The following TNFSF8 variants were observed in gnomAD, a reference collection of about 807,000 sequenced individuals.
The protein encoded by TNFSF8 is TNF superfamily member 8, also known as tumor necrosis factor ligand superfamily member 8.
A neutral mutation model predicts 22.0 loss-of-function variants in TNFSF8; 4 were observed. The ratio of observed to expected loss-of-function variants is 0.18; its 90% confidence interval spans 0.09 to 0.42. The LOEUF is 0.42. Among genes scored for constraint, TNFSF8 ranks in the 10% least tolerant of loss-of-function variants. The probability of loss-of-function intolerance (pLI) is 1.00; values close to 1 mark genes in which losing one functional copy is unlikely to be tolerated. For missense variants in TNFSF8, 233 were observed against 281.8 expected, an observed-to-expected ratio of 0.83 and a Z score of 1.24; for synonymous variants, 106 against 112.5, an observed-to-expected ratio of 0.94 and a Z score of 0.37.
chr9:114,899,316 A>G (rs1827690024), downstream of TNFSF8, among the ~76,000 whole-genome samples: 1 of 151,488 alleles, frequency 6.6e-6, no homozygotes, highest in Admixed American at 6.6e-5. Context: ...GCATCATAAA[A>G]TCAATTCAGG....
At position 114,903,983 on chromosome 9, in the gene TNFSF8, G is replaced by A. The variant is rs1425610157; in HGVS notation, c.653C>T (p.Thr218Ile). ...GGACAACACATTCTCAAGAGGAAAG[G>A]TGCTTGTATCTATGTACTGGAATGT... is the stretch of plus-strand genomic sequence containing the variant. ...VDTFQYIDTS[T>I]FPLENVLSIF... is the part of the protein sequence containing the mutation. The change falls in exon 4 of 4, where the codon ACC becomes ATC. Residue 218 changes from threonine (T) to isoleucine (I), a missense_variant. By Grantham distance (89) the Thr-to-Ile change is moderately conservative. Coordinates refer to ENST00000223795, the MANE Select transcript of TNFSF8 (RefSeq NM_001244.4). The A allele has an allele frequency of 1.4e-5, 23 of 1,613,918 alleles. No homozygotes were observed. The highest frequency in any genetic ancestry group is 1.9e-5 in the Non-Finnish European group (23 of 1,179,954).
intron 4 of TNFSF8, chr9:114,894,234 T>C: frequency 7.5e-7 from 1 of 1,339,920 alleles, no homozygotes; most frequent in Admixed American, 2.0e-5. Context: ...ACGTTGTTGT[T>C]ACTCAGAAGC....
At chr9:114,923,716 C>T (rs1169174955) in intron 1 of TNFSF8, among the ~76,000 whole-genome samples, 1 of 152,020 alleles carries the variant, frequency 6.6e-6, no homozygotes, top group East Asian at 1.9e-4. Context: ...CAGGATTTCG[C>T]CATGTTGGCC....
At position 114,904,122 on chromosome 9, in the gene TNFSF8, C is replaced by G; in HGVS notation, c.514G>C (p.Ala172Pro). The change falls in exon 4 of 4, where the codon GCC becomes CCC. Residue 172 changes from alanine to proline, a missense_variant. Coordinates refer to ENST00000223795, the MANE Select transcript of TNFSF8 (RefSeq NM_001244.4). The stretch of plus-strand genomic sequence containing the variant: ...CCAGACTCACACACTGTCACCAGGG[C>G]CTGTTTTTTGATATGCTTGTTGATG... The part of the protein sequence containing the change: ...LLINKHIKKQ[A>P]LVTVCESGMQ... 1 of 1,614,056 alleles carries G rather than the reference C, an allele frequency of 6.2e-7. No homozygotes were observed. Among genetic ancestry groups the G allele is most frequent in the Non-Finnish European group, 8.5e-7 (1 of 1,179,976 alleles).
intron 2 of TNFSF8, among the ~76,000 whole-genome samples, chr9:114,910,254 G>A (rs762334238): frequency 1.3e-5 from 2 of 152,202 alleles, no homozygotes; most frequent in Non-Finnish European, 2.9e-5. Context: ...GAGGTTGCTC[G>A]AGGTGGTGAA....
intron 1 of TNFSF8, among the ~76,000 whole-genome samples, chr9:114,923,263 C>T (rs1828011492): frequency 6.6e-6 from 1 of 152,094 alleles, no homozygotes; most frequent in Non-Finnish European, 1.5e-5. Flanking sequence ...GCTCCTCCTC[C>T]TCCTGCCACC....
chr9:114,899,342 A>ATTTTTTTTTT (rs137946179), downstream of TNFSF8, among the ~76,000 whole-genome samples: 363 of 142,618 alleles, frequency 2.5e-3, 6 homozygotes, highest in African/African-American at 9.3e-3. Context: ...ACAGTAAGTT[A>ATTTTTTTTTT]TTATTTTTTT....
intron 1 of TNFSF8, among the ~76,000 whole-genome samples, chr9:114,924,416 A>G (rs1828032244): frequency 6.6e-6 from 1 of 152,238 alleles, no homozygotes; most frequent in Admixed American, 6.5e-5. Context: ...TATTATTATT[A>G]GATGATATTA....
intron 2 of TNFSF8, among the ~76,000 whole-genome samples, chr9:114,906,843 A>G (rs551187762): frequency 1.3e-5 from 2 of 152,346 alleles, no homozygotes; most frequent in East Asian, 1.9e-4. Context: ...CTTGAATTCA[A>G]CTTATTCAGA....
chr9:114,921,212 G>T (rs1228839206), intron 1 of TNFSF8, among the ~76,000 whole-genome samples: 1 of 152,160 alleles, frequency 6.6e-6, no homozygotes, highest in African/African-American at 2.4e-5. Flanking sequence ...TTCACCCAGG[G>T]CCCAGGAAGT....
downstream of TNFSF8, among the ~76,000 whole-genome samples, chr9:114,900,846 G>C (rs990835416): frequency 6.6e-6 from 1 of 152,178 alleles, no homozygotes; most frequent in Admixed American, 6.5e-5. Flanking sequence ...GCTGGGTGTG[G>C]TGGTGCGTGC....
chr9:114,930,555 A>T lies in TNFSF8; in HGVS notation c.-252T>A. On this transcript the variant is annotated 5_prime_UTR_variant, in exon 1 of 4. Coordinates refer to ENST00000223795, the MANE Select transcript of TNFSF8 (RefSeq NM_001244.4). ...GTGTGCAGAGAAACTAGCTACAGAG[A>T]AGGTGGCTGATGTCAGAGGGCGCGT... 1 of 356,538 alleles carries T rather than the reference A, an allele frequency of 2.8e-6. No individual in the cohort carries two copies. 22.1% of individuals were successfully genotyped at this position (356,538 alleles called of 1,614,324 possible). A position where few individuals can be genotyped will look rare whatever the true frequency, so the allele number is the denominator to read the frequency against.
At chr9:114,920,347 T>C (rs1320094018) in intron 1 of TNFSF8, among the ~76,000 whole-genome samples, 1 of 152,214 alleles carries the variant, frequency 6.6e-6, no homozygotes, top group Non-Finnish European at 1.5e-5. Context: ...ACAGCCATCA[T>C]TGCAGAGGCT....
At chr9:114,917,982 C>T in intron 2 of TNFSF8, 114 bp downstream of exon 2, 1 of 1,078,704 alleles carries the variant, frequency 9.3e-7, no homozygotes, top group Non-Finnish European at 1.3e-6. Flanking sequence ...CCCCTACCCA[C>T]TTTACTGTTG....
At position 114,905,877 on chromosome 9, in the gene TNFSF8, T is replaced by C. The variant is rs1396074953; in HGVS notation, c.261A>G (p.Leu87=). Residue 87 remains leucine (L), a synonymous_variant, in exon 3 of 4, where the codon TTA becomes TTG. Coordinates refer to ENST00000223795, the MANE Select transcript of TNFSF8 (RefSeq NM_001244.4). ...LKGGNCSEDL[L]CILKRAPFKK... is the part of the protein sequence containing the mutation. Reference sequence around the variant, plus strand: ...TGAATGGAGCCCTTTTCAGGATACATAAGAGGTCTTCTGAGCAATTTCCTA... The same window carrying C: ...TGAATGGAGCCCTTTTCAGGATACACAAGAGGTCTTCTGAGCAATTTCCTA... The C allele has an allele frequency of 6.2e-7, 1 of 1,612,280 alleles. No homozygotes were observed. The highest frequency in any genetic ancestry group is 8.5e-7 in the Non-Finnish European group (1 of 1,178,494).
chr9:114,901,015 A>C, downstream of TNFSF8: 1 of 975,882 alleles, frequency 1.0e-6, no homozygotes, highest in Non-Finnish European at 1.2e-6. Context: ...CTTCCTCTAC[A>C]AGTTCTGCAA....
intron 1 of TNFSF8, among the ~76,000 whole-genome samples, chr9:114,928,616 A>C (rs566463706): frequency 1.3e-5 from 2 of 152,350 alleles, no homozygotes; most frequent in African/African-American, 4.8e-5. Context: ...CCATTGCTAT[A>C]AAATGACATA....
chr9:114,898,672 G>T (rs184444074), downstream of TNFSF8, among the ~76,000 whole-genome samples: 7 of 152,288 alleles, frequency 4.6e-5, no homozygotes, highest in East Asian at 1.3e-3. Flanking sequence ...AGGTCAGTTT[G>T]TACATGTTGT....
chr9:114,899,440 A>G (rs1479052267), downstream of TNFSF8, among the ~76,000 whole-genome samples: 2 of 151,190 alleles, frequency 1.3e-5, no homozygotes, highest in Non-Finnish European at 2.9e-5. Flanking sequence ...TATACTATAC[A>G]TTGAGTGACA....
Sources: gnomAD v4.1 joint callset for allele counts (sites outside exome capture counted in the v4.1 genomes callset) on GRCh38, gnomAD v4.1.1 for gene constraint, MANE v1.5 for transcripts, NCBI Gene and HGNC (gene_info 2026-07-23, HGNC 2026-07-21) for gene names.